The following DPP10 variants were observed in gnomAD, a reference collection of about 807,000 sequenced individuals.
The protein encoded by DPP10 is dipeptidyl peptidase like 10.
Under a neutral mutation model 120.9 loss-of-function variants are expected in DPP10, and 33 were observed. The ratio of observed to expected loss-of-function variants is 0.27; its 90% CI spans 0.21 to 0.37. The LOEUF is 0.37. Ranked by LOEUF, DPP10 falls within the 10% of genes least tolerant of loss-of-function variation. The pLI is 1.00. For synonymous variants in DPP10, 337 were observed against 326.1 expected (o/e 1.03, Z -0.36); for missense variants, 816 against 942.8 (o/e 0.87, Z 1.76).
chr2:115,372,809 G>C (rs1214956425), intron 3 of DPP10, among the ~76,000 whole-genome samples: 1 of 152,154 alleles, frequency 6.6e-6, no homozygotes, highest in African/African-American at 2.4e-5. Flanking sequence ...AATGAGTGCA[G>C]TTATTCCTGG....
At chr2:115,791,750 C>CA (rs1684017334) in intron 19 of DPP10, among the ~76,000 whole-genome samples, 1 of 152,198 alleles carries the variant, frequency 6.6e-6, no homozygotes, top group African/African-American at 2.4e-5. Flanking sequence ...CTCCTGCATG[C>CA]ATGGCCTGCA....
At chr2:115,485,776 A>G (rs1043874920) in intron 3 of DPP10, among the ~76,000 whole-genome samples, 1 of 152,142 alleles carries the variant, frequency 6.6e-6, no homozygotes, top group African/African-American at 2.4e-5. Flanking sequence ...ACTCTATGCA[A>G]TTATGTTGAG....
intron 19 of DPP10, among the ~76,000 whole-genome samples, chr2:115,801,845 T>C (rs1364977231): frequency 2.0e-5 from 3 of 152,212 alleles, no homozygotes; most frequent in African/African-American, 4.8e-5. Context: ...CAGTATTTTA[T>C]TGAGGATTTT....
At chr2:115,384,654 AG>A (rs2066760345) in intron 3 of DPP10, among the ~76,000 whole-genome samples, 2 of 148,520 alleles carry the variant, frequency 1.3e-5, no homozygotes, top group South Asian at 4.5e-4. Context: ...AAGAAGAAGA[AG>A]GAAGAAGAAG....
At chr2:115,079,439 G>C (rs1383725610) in intron 1 of DPP10, among the ~76,000 whole-genome samples, 1 of 152,056 alleles carries the variant, frequency 6.6e-6, no homozygotes, top group African/African-American at 2.4e-5. Flanking sequence ...GACAAACTAG[G>C]ACACAGTGTT....
At chr2:114,936,735 G>A (rs1471833202) in intron 1 of DPP10, among the ~76,000 whole-genome samples, 1 of 151,936 alleles carries the variant, frequency 6.6e-6, no homozygotes, top group African/African-American at 2.4e-5. Flanking sequence ...ACTTTTTACT[G>A]CATCCATGCC....
intron 3 of DPP10, among the ~76,000 whole-genome samples, chr2:115,492,576 G>A (rs781630887): frequency 3.3e-5 from 5 of 151,946 alleles, no homozygotes; most frequent in African/African-American, 4.8e-5. Context: ...ATGGGTTTTT[G>A]GAAAGTTCTT....
intron 5 of DPP10, among the ~76,000 whole-genome samples, chr2:115,617,252 T>C (rs1222188405): frequency 9.6e-6 from 1 of 103,730 alleles, no homozygotes; most frequent in Admixed American, 1.4e-4. Context: ...TGTATGTATG[T>C]ATGGGTATAT....
intron 4 of DPP10, among the ~76,000 whole-genome samples, chr2:115,519,411 A>G (rs1474560361): frequency 6.6e-6 from 1 of 152,176 alleles, no homozygotes; most frequent in Non-Finnish European, 1.5e-5. Flanking sequence ...ATGCATGGTA[A>G]CAAGAAAATA....
chr2:115,363,854 C>T (rs1458997293), intron 3 of DPP10, among the ~76,000 whole-genome samples: 1 of 152,164 alleles, frequency 6.6e-6, no homozygotes, highest in African/African-American at 2.4e-5. Context: ...AGTATGTGCC[C>T]ATCATCGGGC....
intron 1 of DPP10, among the ~76,000 whole-genome samples, chr2:114,512,451 C>T (rs1196704732): frequency 6.6e-6 from 1 of 152,120 alleles, no homozygotes; most frequent in Admixed American, 6.5e-5. Flanking sequence ...TTTGGTGCAC[C>T]CCTTAGAGAG....
intron 1 of DPP10, among the ~76,000 whole-genome samples, chr2:114,626,644 C>T (rs545118987): frequency 1.3e-5 from 2 of 152,146 alleles, no homozygotes; most frequent in Non-Finnish European, 2.9e-5. Context: ...AGAAAGTTGG[C>T]TGGCACCAAG....
intron 4 of DPP10, 66 bp from the exon 5 acceptor site, chr2:115,525,832 C>T (rs530197042): frequency 8.3e-7 from 1 of 1,211,066 alleles, no homozygotes; most frequent in African/African-American, 1.5e-5. Context: ...TTTTTTTTTA[C>T]ATTTATACAT....
intron 1 of DPP10, among the ~76,000 whole-genome samples, chr2:114,737,888 A>G (rs778487986): frequency 1.2e-4 from 18 of 152,238 alleles, no homozygotes; most frequent in Admixed American, 1.0e-3. Context: ...GTATTATTCA[A>G]TTCTTACATT....
intron 4 of DPP10, among the ~76,000 whole-genome samples, chr2:115,504,005 G>A (rs1489593888): frequency 6.6e-6 from 1 of 152,116 alleles, no homozygotes. Flanking sequence ...TGGGATCAAA[G>A]TAATGACTTT....
intron 1 of DPP10, among the ~76,000 whole-genome samples, chr2:114,873,792 A>C (rs543630345): frequency 6.6e-6 from 1 of 152,306 alleles, no homozygotes; most frequent in South Asian, 2.1e-4. Context: ...GGAGATGGAC[A>C]CAGAGCAAAC....
intron 1 of DPP10, among the ~76,000 whole-genome samples, chr2:115,243,010 TTA>T (rs1212071630): frequency 7.8e-6 from 1 of 128,228 alleles, no homozygotes; most frequent in Non-Finnish European, 1.8e-5. Context: ...CTCAAATAAA[TTA>T]TAGTGTTTTA....
intron 1 of DPP10, among the ~76,000 whole-genome samples, chr2:114,537,863 A>T (rs780983927): frequency 6.6e-6 from 1 of 152,226 alleles, no homozygotes; most frequent in Non-Finnish European, 1.5e-5. Flanking sequence ...TGTGTACTGC[A>T]TGAACACAGA....
chr2:115,701,982 G>A (rs918865115), intron 7 of DPP10, among the ~76,000 whole-genome samples: 20 of 152,138 alleles, frequency 1.3e-4, no homozygotes, highest in Admixed American at 3.9e-4. Flanking sequence ...AAGTAGCAAA[G>A]TGTAAGTTAA....
Sources: gnomAD v4.1 joint callset for allele counts (sites outside exome capture counted in the v4.1 genomes callset) on GRCh38, gnomAD v4.1.1 for gene constraint, MANE v1.5 for transcripts, NCBI Gene and HGNC (gene_info 2026-07-23, HGNC 2026-07-21) for gene names.